The following SPRY3 variants were observed in gnomAD, a reference collection of about 807,000 sequenced individuals.
The protein encoded by SPRY3 is sprouty RTK signaling antagonist 3.
A neutral mutation model predicts 20.2 loss-of-function variants in SPRY3; 15 were observed. The ratio of observed to expected loss-of-function variants is 0.74; its 90% confidence interval spans 0.50 to 1.14. SPRY3 has a LOEUF of 1.14. SPRY3 is among the 50% of genes most tolerant of loss of function. The pLI, the probability that SPRY3 is intolerant of heterozygous loss-of-function variation, is 0.00. For missense variants in SPRY3, 364 were observed against 363.9 expected (o/e 1.00, Z 0.00); for synonymous variants, 143 against 136.5 (o/e 1.05, Z -0.33).
chrX:155,734,642 A>G (rs2091156127), intron 2 of SPRY3, among the ~76,000 whole-genome samples: 2 of 151,476 alleles, frequency 1.3e-5, no homozygotes, highest in Admixed American at 1.3e-4. Context: ...AATTTGAAAA[A>G]AAAACACACA....
At chrX:155,738,585 G>A (rs185293625) in intron 2 of SPRY3, among the ~76,000 whole-genome samples, 196 of 152,252 alleles carry the variant, frequency 1.3e-3, no homozygotes, top group African/African-American at 4.6e-3. Flanking sequence ...GGAAAGCAGG[G>A]TGGGGTGATG....
At chrX:155,654,686 GGTGTGTGTGT>G (rs3067500) in intron 1 of SPRY3, among the ~76,000 whole-genome samples, 4,636 of 85,872 alleles carry the variant, frequency 0.054, 243 homozygotes, top group East Asian at 0.32. Flanking sequence ...AGTATTCCAT[GGTGTGTGTGT>G]GTGTGTGTGT....
chrX:155,704,672 A>T lies in SPRY3; in HGVS notation c.-282+47647A>T, dbSNP rs2742293. On this transcript the variant is annotated intron_variant, in intron 2 of 3. Coordinates refer to ENST00000675360, the Ensembl canonical transcript of SPRY3. ...AACACCAAATTGCATACCCAAGCTC[A>T]GAGTGCACCAAACATGACTTTTTAA... is the stretch of plus-strand genomic sequence containing the variant. 3.3e-5 allele frequency among the ~76,000 whole-genome samples: 5 copies of T among 151,560 alleles called. No homozygotes were observed. The East Asian group carries it at 9.7e-4, about 29-fold the overall frequency.
intron 2 of SPRY3, among the ~76,000 whole-genome samples, chrX:155,732,108 G>A (rs1488600319): frequency 1.3e-5 from 2 of 152,030 alleles, no homozygotes; most frequent in Non-Finnish European, 2.9e-5. Context: ...TTTGGCCGAA[G>A]ATTCATTTGA....
At chrX:155,633,453 A>T (rs2067913588) in intron 1 of SPRY3, among the ~76,000 whole-genome samples, 1 of 107,356 alleles carries the variant, frequency 9.3e-6, no homozygotes, top group Admixed American at 1.0e-4. Flanking sequence ...GGTCCCCTTG[A>T]TGAAACACCC....
intron 2 of SPRY3, among the ~76,000 whole-genome samples, chrX:155,659,105 T>C (rs1317617199): frequency 4.9e-5 from 1 of 20,442 alleles, no homozygotes; most frequent in African/African-American, 3.8e-4. Flanking sequence ...TTTTTCTTTC[T>C]TCTTTCTTTC....
chrX:155,754,254 T>C (rs1404584908), intron 2 of SPRY3, among the ~76,000 whole-genome samples: 1 of 152,020 alleles, frequency 6.6e-6, no homozygotes, highest in Non-Finnish European at 1.5e-5. Context: ...TTTGAGTTAA[T>C]TTTTTGTACA....
At chrX:155,744,932 A>ATTG (rs2091219087) in intron 2 of SPRY3, among the ~76,000 whole-genome samples, 2 of 152,042 alleles carry the variant, frequency 1.3e-5, no homozygotes, top group Admixed American at 1.3e-4. Flanking sequence ...TATTTTAGGA[A>ATTG]TACTTAGAAT....
chrX:155,704,959 G>T (rs1449448856), intron 2 of SPRY3, among the ~76,000 whole-genome samples: 1 of 151,400 alleles, frequency 6.6e-6, no homozygotes, highest in East Asian at 1.9e-4. Context: ...TATCAGACAA[G>T]CAAAAACTGA....
intron 1 of SPRY3, among the ~76,000 whole-genome samples, chrX:155,626,499 T>G (rs1440866047): frequency 9.0e-6 from 1 of 111,370 alleles, no homozygotes; most frequent in Non-Finnish European, 1.9e-5. Flanking sequence ...CTGTGAGTAG[T>G]CTTTTCACTG....
intron 1 of SPRY3, among the ~76,000 whole-genome samples, chrX:155,616,682 AT>A (rs1485044938): frequency 5.4e-5 from 6 of 111,094 alleles, no homozygotes; most frequent in African/African-American, 2.0e-4. Flanking sequence ...TCTATGAGGG[AT>A]TTATTGGCCA....
At chrX:155,705,588 C>G (rs2090944806) in intron 2 of SPRY3, among the ~76,000 whole-genome samples, 1 of 151,146 alleles carries the variant, frequency 6.6e-6, no homozygotes, top group Non-Finnish European at 1.5e-5. Flanking sequence ...TAAAAATAAT[C>G]AAGACCCAAC....
rs1380781883 is a variant in SPRY3 at position 155,731,621 on chromosome X, C to A, written c.-281-36341C>A. Among the ~76,000 whole-genome samples, 7 of 152,090 alleles carry A rather than the reference C, an allele frequency of 4.6e-5. No individual in the cohort carries two copies. In the East Asian group the frequency reaches 1.4e-3, roughly 29 times the overall value. ...GGCAAAGATTTCTTAAGTCATATCC[C>A]ACAAGCACAGGAAACCAAAGCAAAA... On this transcript the variant is annotated intron_variant, in intron 2 of 3. Transcript: ENST00000675360.
chrX:155,619,066 G>A (rs1557349168), intron 1 of SPRY3, among the ~76,000 whole-genome samples: 1 of 98,861 alleles, frequency 1.0e-5, no homozygotes, highest in African/African-American at 3.5e-5. Flanking sequence ...AATCTACCAA[G>A]TTTTTTTATG....
intron 2 of SPRY3, among the ~76,000 whole-genome samples, chrX:155,760,688 C>T (rs751759869): frequency 1.3e-5 from 2 of 152,240 alleles, no homozygotes; most frequent in African/African-American, 4.8e-5. Flanking sequence ...GTTAGATTCT[C>T]ATAAGGAGCA....
intron 2 of SPRY3, among the ~76,000 whole-genome samples, chrX:155,725,710 TTTC>T (rs1221581343): frequency 1.3e-5 from 2 of 152,150 alleles, no homozygotes; most frequent in Non-Finnish European, 2.9e-5. Flanking sequence ...TCTTCTCTCT[TTTC>T]TTCTTATTAG....
chrX:155,751,968 TAAAATAAA>T (rs1188130687), intron 2 of SPRY3, among the ~76,000 whole-genome samples: 1 of 88,298 alleles, frequency 1.1e-5, no homozygotes, highest in African/African-American at 5.2e-5. Context: ...TAAAATAAAA[TAAAATAAA>T]ATAAAATAAA....
rs767482977 is a variant in SPRY3, at chrX:155,769,051, G to C, written c.-107+915G>C. Among the ~76,000 whole-genome samples the C allele has an allele frequency of 2.6e-5, 4 of 152,292 alleles. No homozygotes were observed. The East Asian group carries it at 7.7e-4, about 29-fold the overall frequency. The stretch of plus-strand genomic sequence containing the variant: ...GTTAAATCATGTTCCCAAAAAGTCG[G>C]CTGCATTCATAAATACAAATAAGGC... On this transcript the variant is annotated intron_variant, in intron 3 of 3. Coordinates refer to ENST00000675360, the Ensembl canonical transcript of SPRY3.
At chrX:155,775,661 A>G (rs773641516) in exon 4 of SPRY3, 12 of 167,188 alleles carry the variant, frequency 7.2e-5, no homozygotes, top group African/African-American at 2.9e-4. Flanking sequence ...TCCCTTTCTC[A>G]ATAATCAACT....
Sources: allele counts gnomAD v4.1 joint callset (sites outside exome capture counted in the v4.1 genomes callset), GRCh38; gene constraint gnomAD v4.1.1; transcripts MANE v1.5; gene names NCBI Gene and HGNC (gene_info 2026-07-23, HGNC 2026-07-21).